The following ADAMTS17 variants were observed in gnomAD, a reference collection of about 807,000 sequenced individuals.
ADAMTS17 encodes the protein ADAM metallopeptidase with thrombospondin type 1 motif 17.
ADAMTS17 carries 113 observed loss-of-function variants against 141.5 expected under a neutral mutation model. The ratio of observed to expected loss-of-function variants is 0.80; its 90% CI spans 0.69 to 0.93. The LOEUF (loss-of-function observed/expected upper bound fraction) is 0.93, where lower values mean the gene tolerates loss of function less well. Among genes scored for constraint, ADAMTS17 ranks in the 40% least tolerant of loss-of-function variants. The probability of loss-of-function intolerance (pLI) is 0.00; values close to 1 mark genes in which losing one functional copy is unlikely to be tolerated. For missense variants in ADAMTS17, 1,659 were observed against 1,517.9 expected, an observed-to-expected ratio of 1.09 and a Z score of -1.54; for synonymous variants, 768 against 630.6, an observed-to-expected ratio of 1.22 and a Z score of -3.27.
intron 4 of ADAMTS17, among the ~76,000 whole-genome samples, chr15:100,271,513 C>T (rs1412417941): frequency 2.0e-5 from 3 of 151,888 alleles, no homozygotes; most frequent in Non-Finnish European, 4.4e-5. Context: ...TTTCCATGTA[C>T]TTATTGGCTA....
At chr15:100,202,096 C>G (rs566391184) in intron 7 of ADAMTS17, among the ~76,000 whole-genome samples, 2 of 152,344 alleles carry the variant, frequency 1.3e-5, no homozygotes, top group East Asian at 3.9e-4. Context: ...GCTGAGCTTC[C>G]TGTCCTGAGT....
intron 18 of ADAMTS17, among the ~76,000 whole-genome samples, chr15:100,048,407 C>T (rs573755154): frequency 5.1e-4 from 69 of 134,318 alleles, no homozygotes; most frequent in African/African-American, 1.4e-3. Context: ...TGATGGATCC[C>T]GAAGAATAAA....
intron 12 of ADAMTS17, among the ~76,000 whole-genome samples, chr15:100,124,308 A>G (rs2037607422): frequency 6.6e-6 from 1 of 152,236 alleles, no homozygotes; most frequent in South Asian, 2.1e-4. Flanking sequence ...AAGCTTAGAT[A>G]CAAAACCAAA....
intron 12 of ADAMTS17, among the ~76,000 whole-genome samples, chr15:100,123,415 T>TC (rs2037554995): frequency 2.0e-5 from 3 of 152,316 alleles, no homozygotes; most frequent in East Asian, 3.9e-4. Context: ...GTGGGTCCAG[T>TC]CTTTCCCTCA....
At chr15:100,340,265 C>A (rs954051348) in intron 2 of ADAMTS17, among the ~76,000 whole-genome samples, 6 of 152,202 alleles carry the variant, frequency 3.9e-5, no homozygotes, top group Admixed American at 2.0e-4. Context: ...CACAAGAACC[C>A]CCCCTCCCCC....
chr15:100,131,046 G>C (rs1024703234), intron 12 of ADAMTS17, among the ~76,000 whole-genome samples: 2 of 152,140 alleles, frequency 1.3e-5, no homozygotes, highest in Admixed American at 6.5e-5. Context: ...ATAAAAAAAG[G>C]ATGGGTTCAT....
chr15:100,243,789 TA>T (rs547134930), intron 7 of ADAMTS17, among the ~76,000 whole-genome samples: 1,071 of 93,424 alleles, frequency 0.011, 11 homozygotes, highest in Admixed American at 0.016. Context: ...GACTCCATCT[TA>T]AAAAAAAAAA....
intron 15 of ADAMTS17, among the ~76,000 whole-genome samples, chr15:100,073,747 A>G (rs2034157741): frequency 1.4e-5 from 1 of 71,392 alleles, no homozygotes; most frequent in South Asian, 7.5e-4. Flanking sequence ...GGAACATCAC[A>G]CACTGGGGAC....
chr15:100,284,688 T>C (rs1247513152), intron 3 of ADAMTS17, among the ~76,000 whole-genome samples: 1 of 152,250 alleles, frequency 6.6e-6, no homozygotes, highest in African/African-American at 2.4e-5. Flanking sequence ...TTGATGGTCA[T>C]TCCTTTTCCT....
intron 8 of ADAMTS17, among the ~76,000 whole-genome samples, chr15:100,166,625 A>C (rs1788296358): frequency 6.6e-6 from 1 of 152,214 alleles, no homozygotes; most frequent in South Asian, 2.1e-4. Flanking sequence ...GAAAGAGATC[A>C]TGGTTAAAGA....
chr15:100,085,990 A>G (rs1210773559), intron 15 of ADAMTS17, among the ~76,000 whole-genome samples: 3 of 151,024 alleles, frequency 2.0e-5, no homozygotes, highest in Non-Finnish European at 4.4e-5. Flanking sequence ...AAATTCACAT[A>G]TAACAATATT....
At chr15:100,128,071 T>C (rs1405482843) in intron 12 of ADAMTS17, among the ~76,000 whole-genome samples, 1 of 152,094 alleles carries the variant, frequency 6.6e-6, no homozygotes, top group Admixed American at 6.6e-5. Context: ...GGAAACTGCA[T>C]GGACTCAGTG....
intron 18 of ADAMTS17, among the ~76,000 whole-genome samples, chr15:100,001,683 A>G (rs2141363460): frequency 6.6e-6 from 1 of 152,208 alleles, no homozygotes; most frequent in African/African-American, 2.4e-5. Flanking sequence ...CACAGAATCA[A>G]GTCTAGGCCG....
chr15:100,284,661 G>C (rs2044389820), intron 3 of ADAMTS17, among the ~76,000 whole-genome samples: 1 of 152,174 alleles, frequency 6.6e-6, no homozygotes, highest in Non-Finnish European at 1.5e-5. Flanking sequence ...CCTCAGCAGA[G>C]ACCCACAGCA....
chr15:100,238,777 T>C (rs2042737842), intron 7 of ADAMTS17, among the ~76,000 whole-genome samples: 1 of 152,128 alleles, frequency 6.6e-6, no homozygotes, highest in Admixed American at 6.6e-5. Context: ...GACGCCTCAC[T>C]TAAAATGCTA....
intron 14 of ADAMTS17, among the ~76,000 whole-genome samples, chr15:100,104,663 G>C (rs2036311503): frequency 6.6e-6 from 1 of 152,162 alleles, no homozygotes; most frequent in African/African-American, 2.4e-5. Flanking sequence ...TTCTGTGAGT[G>C]CTGTCTCATA....
chr15:100,066,985 C>T (rs1250236670), intron 15 of ADAMTS17, among the ~76,000 whole-genome samples: 2 of 79,470 alleles, frequency 2.5e-5, no homozygotes, highest in African/African-American at 7.4e-5. Flanking sequence ...TACACTTTTC[C>T]GCTGTCTTCC....
chr15:100,199,362 A>G lies in ADAMTS17; in HGVS notation c.1137T>C (p.Asn379=). 1.9e-6 allele frequency: 3 copies of G among 1,614,196 alleles called. No homozygotes were observed. Among genetic ancestry groups the G allele is most frequent in the South Asian group, 1.1e-5 (1 of 91,078 alleles). The change falls in exon 8 of 22, where the codon AAT becomes AAC. Residue 379 remains asparagine, a synonymous_variant. Transcript: ENST00000268070. ...AKRKCVLAED[N]GLNLAFTIAH... is the part of the protein sequence containing the mutation. ...CGATGGTAAAGGCCAAATTGAGACC[A>G]TTGTCTTCGGCAAGCACACACTTCC... is the stretch of plus-strand genomic sequence containing the variant.
intron 18 of ADAMTS17, among the ~76,000 whole-genome samples, chr15:100,019,999 G>GAA (rs67292654): frequency 2.7e-4 from 40 of 150,626 alleles, no homozygotes; most frequent in East Asian, 5.8e-4. Context: ...CTAAGATTTG[G>GAA]AAAAAAAAGA....
Sources: allele counts gnomAD v4.1 joint callset (sites outside exome capture counted in the v4.1 genomes callset), GRCh38; gene constraint gnomAD v4.1.1; transcripts MANE v1.5; gene names NCBI Gene and HGNC (gene_info 2026-07-23, HGNC 2026-07-21).